SLC4A10: variants seen among roughly 807,000 people sequenced by gnomAD.
The protein encoded by SLC4A10 is solute carrier family 4 member 10.
In SLC4A10, 42 loss-of-function variants were observed where a neutral mutation model predicts 137.7. The ratio of observed to expected loss-of-function variants is 0.30; its 90% CI spans 0.24 to 0.39. The LOEUF (loss-of-function observed/expected upper bound fraction) is 0.39. SLC4A10 is among the 10% of genes least tolerant of loss of function. SLC4A10 has a pLI of 1.00. For missense variants in SLC4A10, 925 were observed against 1,355.0 expected, an observed-to-expected ratio of 0.68 and a Z score of 4.98; for synonymous variants, 474 against 464.1, an observed-to-expected ratio of 1.02 and a Z score of -0.27.
chr2:161,822,487 T>C (rs1021331014), intron 3 of SLC4A10, among the ~76,000 whole-genome samples: 1 of 152,190 alleles, frequency 6.6e-6, no homozygotes, highest in Non-Finnish European at 1.5e-5. Flanking sequence ...AATCACAAAT[T>C]GTGCTTTTTT....
At chr2:161,633,364 C>G (rs749123960) in intron 1 of SLC4A10, among the ~76,000 whole-genome samples, 13 of 151,760 alleles carry the variant, frequency 8.6e-5, no homozygotes, top group Non-Finnish European at 1.6e-4. Flanking sequence ...GTGCATGGAA[C>G]TCCTTGTTAA....
At chr2:161,901,078 T>C in intron 12 of SLC4A10, 67 bp downstream of exon 12, 3 of 1,225,192 alleles carry the variant, frequency 2.4e-6, no homozygotes, top group Non-Finnish European at 3.5e-6. Context: ...CTGTCAGAAA[T>C]TGCTATTTTG....
At chr2:161,657,525 A>G (rs1485113644) in intron 1 of SLC4A10, among the ~76,000 whole-genome samples, 9 of 152,024 alleles carry the variant, frequency 5.9e-5, no homozygotes, top group Non-Finnish European at 1.0e-4. Context: ...AAGAATAAAT[A>G]AAAGATTTCA....
At chr2:161,771,196 GT>G (rs941684050) in intron 2 of SLC4A10, 142 bp downstream of exon 2, 7 of 623,362 alleles carry the variant, frequency 1.1e-5, no homozygotes, top group African/African-American at 1.8e-5. Flanking sequence ...ACATCTGATT[GT>G]TTTGGTACAG....
chr2:161,976,807 C>G lies in SLC4A10; in HGVS notation c.3275C>G (p.Ala1092Gly). 2 of 1,604,832 alleles carry G rather than the reference C, an allele frequency of 1.2e-6. No homozygotes were observed. Among genetic ancestry groups the G allele is most frequent in the South Asian group, 1.1e-5 (1 of 88,546 alleles). The change falls in exon 25 of 27, where the codon GCC (alanine) becomes GGC (glycine). Residue 1092 changes from alanine (A) to glycine (G), a missense_variant. This residue lies in a region of SLC4A10 where 84 missense variants were observed against 76.9 expected (regional missense o/e 1.09). Coordinates refer to ENST00000446997, the MANE Select transcript of SLC4A10 (RefSeq NM_001178015.2). ...INISDEMSKT[A>G]LWRNLLITAD... Reference sequence around the variant, plus strand: ...ATATCTGATGAAATGTCAAAGACTGCCTTGTGGAGGAACCTTCTGATTACT... The same window carrying G: ...ATATCTGATGAAATGTCAAAGACTGGCTTGTGGAGGAACCTTCTGATTACT...
intron 4 of SLC4A10, among the ~76,000 whole-genome samples, chr2:161,840,244 C>T (rs1400979051): frequency 1.3e-5 from 2 of 151,948 alleles, no homozygotes; most frequent in Non-Finnish European, 2.9e-5. Flanking sequence ...CTGGCTTGCA[C>T]CTAAATTTAT....
intron 3 of SLC4A10, among the ~76,000 whole-genome samples, chr2:161,826,259 C>A (rs2058014586): frequency 6.6e-6 from 1 of 152,102 alleles, no homozygotes; most frequent in Admixed American, 6.6e-5. Context: ...AATATGGATT[C>A]ATCTGAACTA....
At chr2:161,749,825 A>T (rs2048772521) in intron 1 of SLC4A10, among the ~76,000 whole-genome samples, 1 of 151,996 alleles carries the variant, frequency 6.6e-6, no homozygotes, top group East Asian at 1.9e-4. Flanking sequence ...TTTTGGATGC[A>T]TTTGAGAAGG....
At chr2:161,872,225 TA>T (rs2061173046) in intron 6 of SLC4A10, 67 bp from the exon 7 acceptor site, 1 of 1,181,466 alleles carries the variant, frequency 8.5e-7, no homozygotes, top group Non-Finnish European at 1.2e-6. Context: ...TTGAAGTGCC[TA>T]TTTCACTCAG....
intron 1 of SLC4A10, among the ~76,000 whole-genome samples, chr2:161,752,247 A>G (rs929505493): frequency 2.0e-5 from 3 of 151,898 alleles, no homozygotes; most frequent in African/African-American, 7.2e-5. Context: ...GTAAGGACCT[A>G]TTTTACTTTA....
intron 1 of SLC4A10, among the ~76,000 whole-genome samples, chr2:161,686,510 A>G (rs1355491720): frequency 6.6e-6 from 1 of 152,174 alleles, no homozygotes; most frequent in African/African-American, 2.4e-5. Flanking sequence ...GTTTGACAAT[A>G]TGTATGTGGA....
chr2:161,875,529 T>C (rs1575403280), intron 8 of SLC4A10, among the ~76,000 whole-genome samples: 1 of 152,300 alleles, frequency 6.6e-6, no homozygotes, highest in Middle Eastern at 3.4e-3. Flanking sequence ...ATTAGGAAAA[T>C]AACTGGAATT....
intron 14 of SLC4A10, among the ~76,000 whole-genome samples, chr2:161,905,410 G>A (rs532252498): frequency 7.2e-5 from 11 of 152,264 alleles, no homozygotes; most frequent in Non-Finnish European, 8.8e-5. Context: ...GAGCTCAGGC[G>A]GTAATGCTCA....
intron 2 of SLC4A10, among the ~76,000 whole-genome samples, chr2:161,793,638 G>A (rs2054449936): frequency 6.6e-6 from 1 of 151,970 alleles, no homozygotes; most frequent in South Asian, 2.1e-4. Context: ...CGTTTCAGGT[G>A]GGAAGATAAT....
chr2:161,874,853 C>T (rs752329594), intron 8 of SLC4A10, among the ~76,000 whole-genome samples: 12 of 152,130 alleles, frequency 7.9e-5, no homozygotes, highest in Non-Finnish European at 1.8e-4. Flanking sequence ...TTTACAATTT[C>T]GTTGTGAAGA....
intron 1 of SLC4A10, among the ~76,000 whole-genome samples, chr2:161,638,953 A>G (rs62188962): frequency 0.075 from 11,438 of 151,992 alleles, 542 homozygotes; most frequent in East Asian, 0.14. Flanking sequence ...ATAAAAAAGG[A>G]GACATTTCAA....
At chr2:161,942,935 C>T in intron 16 of SLC4A10, 38 bp downstream of exon 16, 1 of 1,493,102 alleles carries the variant, frequency 6.7e-7, no homozygotes, top group Non-Finnish European at 9.1e-7. Flanking sequence ...TACCTAAGAG[C>T]TTTTGTTGAC....
At chr2:161,662,297 G>T in intron 1 of SLC4A10, among the ~76,000 whole-genome samples, 1 of 151,994 alleles carries the variant, frequency 6.6e-6, no homozygotes, top group East Asian at 1.9e-4. Context: ...TTGTTTTGAG[G>T]AGACAAATAT....
chr2:161,668,094 G>A (rs769055607), intron 1 of SLC4A10, among the ~76,000 whole-genome samples: 13 of 151,782 alleles, frequency 8.6e-5, no homozygotes, highest in Non-Finnish European at 1.5e-4. Flanking sequence ...GTACTTATAT[G>A]TTAGTTGTCT....
Sources: gnomAD v4.1 joint callset for allele counts (sites outside exome capture counted in the v4.1 genomes callset) on GRCh38, gnomAD v4.1.1 for gene constraint, gnomAD v4.1.1 regional missense constraint, MANE v1.5 for transcripts, NCBI Gene and HGNC (gene_info 2026-07-23, HGNC 2026-07-21) for gene names.